Variants in PRKG1 observed in about 807,000 individuals in gnomAD.
PRKG1 encodes protein kinase cGMP-dependent 1, also known as cGMP-dependent protein kinase 1.
Under a neutral mutation model 88.1 loss-of-function variants are expected in PRKG1, and 35 were observed. The observed-to-expected ratio is 0.40, with a 90% CI of 0.30 to 0.53. The LOEUF (loss-of-function observed/expected upper bound fraction) is 0.53, where lower values mean the gene tolerates loss of function less well. Among genes scored for constraint, PRKG1 ranks in the 20% least tolerant of loss-of-function variants. The probability of loss-of-function intolerance (pLI) is 0.59; values close to 1 mark genes in which losing one functional copy is unlikely to be tolerated. For synonymous variants in PRKG1, 303 were observed against 292.5 expected (o/e 1.04, Z -0.37); for missense variants, 540 against 839.8 (o/e 0.64, Z 4.41).
chr10:51,392,983 A>C lies in PRKG1; in HGVS notation c.479-74740A>C, dbSNP rs293221. On this transcript the variant is annotated intron_variant, in intron 2 of 17. Transcript: ENST00000373980. Reference sequence around the variant, plus strand: ...CTGACCCCCCACCTCCCTCCCGGACAGGGTAGCTGCCGGGCAGAGACACTC... The same window carrying C: ...CTGACCCCCCACCTCCCTCCCGGACCGGGTAGCTGCCGGGCAGAGACACTC... Among the ~76,000 whole-genome samples the C allele has an allele frequency of 1.1e-4, 15 of 141,156 alleles. 1 individual carries two copies. Among genetic ancestry groups the C allele is most frequent in the African/African-American group, 3.9e-4 (14 of 36,210 alleles). 92.6% of individuals were successfully genotyped at this position (141,156 alleles called of 152,430 possible).
chr10:51,908,478 A>G (rs1842134024), intron 5 of PRKG1: 2 of 152,130 alleles, frequency 1.3e-5, no homozygotes, highest in East Asian at 3.9e-4. Context: ...CACTTAGGAC[A>G]TTGCAATTAA....
At chr10:51,845,554 T>C (rs1293890984) in intron 4 of PRKG1, among the ~76,000 whole-genome samples, 2 of 152,202 alleles carry the variant, frequency 1.3e-5, no homozygotes, top group East Asian at 1.9e-4. Context: ...TTGTAGAAAA[T>C]TGGTATGAAG....
chr10:51,797,891 A>G (rs1436814699), intron 3 of PRKG1, among the ~76,000 whole-genome samples: 1 of 151,994 alleles, frequency 6.6e-6, no homozygotes, highest in Non-Finnish European at 1.5e-5. Flanking sequence ...CAGTGGAATC[A>G]GACAATATTT....
At chr10:51,776,173 G>T (rs1430949949) in intron 3 of PRKG1, among the ~76,000 whole-genome samples, 1 of 152,100 alleles carries the variant, frequency 6.6e-6, no homozygotes, top group Admixed American at 6.6e-5. Context: ...TTCAAAAAAT[G>T]ATGTTATTTT....
chr10:50,998,707 C>G (rs1842858929), intron 1 of PRKG1, among the ~76,000 whole-genome samples: 1 of 151,994 alleles, frequency 6.6e-6, no homozygotes, highest in Admixed American at 6.6e-5. Flanking sequence ...AAGATCGTGC[C>G]CCTGCACTCC....
At chr10:51,372,776 A>G (rs1217996252) in intron 2 of PRKG1, among the ~76,000 whole-genome samples, 4 of 152,148 alleles carry the variant, frequency 2.6e-5, no homozygotes, top group Non-Finnish European at 4.4e-5. Flanking sequence ...TCCTGCATCT[A>G]TTGAGATAAT....
chr10:52,008,673 A>T (rs993477530), intron 5 of PRKG1, among the ~76,000 whole-genome samples: 2 of 152,134 alleles, frequency 1.3e-5, no homozygotes, highest in Non-Finnish European at 2.9e-5. Flanking sequence ...ATTCACAGCC[A>T]AATTCTACAA....
intron 2 of PRKG1, among the ~76,000 whole-genome samples, chr10:51,172,631 T>G (rs187419891): frequency 0.012 from 837 of 67,606 alleles, 2 homozygotes; most frequent in Non-Finnish European, 0.013. Context: ...TATGTATGTA[T>G]GTATGTATGT....
chr10:51,561,818 G>C (rs1837468914), intron 3 of PRKG1, among the ~76,000 whole-genome samples: 1 of 152,082 alleles, frequency 6.6e-6, no homozygotes, highest in African/African-American at 2.4e-5. Context: ...AGTCATCTTT[G>C]CATTACGTAA....
Position 52,062,493 on chromosome 10 carries a change from G to A in PRKG1, c.841-44G>A. On this transcript the variant is annotated intron_variant, in intron 6 of 17. Transcript: ENST00000373980. The stretch of plus-strand genomic sequence containing the variant: ...ATTAATTAGTGTTCCTTTGTCCATT[G>A]TGGGTAAGCAGTGGATCTAAACTTT... The A allele has an allele frequency of 4.0e-6, 5 of 1,263,448 alleles. No individual in the cohort carries two copies. In the South Asian group the frequency reaches 7.3e-5, roughly 19 times the overall value. 78.3% of individuals were successfully genotyped at this position (1,263,448 alleles called of 1,614,324 possible).
chr10:51,368,103 G>C (rs1357831861), intron 2 of PRKG1, among the ~76,000 whole-genome samples: 2 of 151,924 alleles, frequency 1.3e-5, no homozygotes, highest in East Asian at 1.9e-4. Context: ...CATAGAGCCA[G>C]AATATTTTCT....
At chr10:51,479,172 A>T (rs1189555229) in intron 3 of PRKG1, among the ~76,000 whole-genome samples, 1 of 152,082 alleles carries the variant, frequency 6.6e-6, no homozygotes, top group East Asian at 1.9e-4. Context: ...TGATAAAAAC[A>T]GCAGAATATT....
At chr10:51,604,348 G>T (rs1025585187) in intron 3 of PRKG1, among the ~76,000 whole-genome samples, 2 of 151,822 alleles carry the variant, frequency 1.3e-5, no homozygotes, top group Non-Finnish European at 2.9e-5. Flanking sequence ...CTCATTTTTT[G>T]AACCATTTAA....
At chr10:51,270,657 A>AG (rs1564663687) in intron 2 of PRKG1, among the ~76,000 whole-genome samples, 1 of 145,864 alleles carries the variant, frequency 6.9e-6, no homozygotes, top group Non-Finnish European at 1.5e-5. Context: ...CTTTTCTCTC[A>AG]GAAAAAAATC....
At chr10:51,099,384 G>GACACACAC (rs71459403) in intron 1 of PRKG1, among the ~76,000 whole-genome samples, 13,634 of 148,702 alleles carry the variant, frequency 0.092, 691 homozygotes, top group African/African-American at 0.11. Flanking sequence ...CAGCATTCAA[G>GACACACAC]ACACACACAC....
intron 1 of PRKG1, among the ~76,000 whole-genome samples, chr10:50,993,525 C>A (rs1040810407): frequency 2.6e-5 from 4 of 152,236 alleles, no homozygotes; most frequent in Non-Finnish European, 1.5e-5. Context: ...CCCTGCCCTG[C>A]GCTCAGCAGC....
intron 3 of PRKG1, among the ~76,000 whole-genome samples, chr10:51,594,719 A>T (rs1023098201): frequency 6.6e-6 from 1 of 152,196 alleles, no homozygotes; most frequent in Non-Finnish European, 1.5e-5. Context: ...AGTCATTTCT[A>T]TATCACAGTG....
rs140540368 is a variant in PRKG1, at chr10:52,241,114, C to T, written c.1077-10456C>T. Among the ~76,000 whole-genome samples the T allele has an allele frequency of 5.4e-4, 82 of 152,244 alleles. 1 individual carries two copies. The highest frequency in any genetic ancestry group is 1.8e-3 in the African/African-American group (76 of 41,548). On this transcript the variant is annotated intron_variant, in intron 9 of 17. Transcript: ENST00000373980. ...ATAGTTCTATTTCAAACATCCAAGA[C>T]GTATTTTCCCCAACTACTGTTTGGG...
intron 9 of PRKG1, among the ~76,000 whole-genome samples, chr10:52,194,319 T>TTTAG (rs1839450674): frequency 6.6e-6 from 1 of 152,172 alleles, no homozygotes; most frequent in African/African-American, 2.4e-5. Context: ...AAAACAACCC[T>TTTAG]GTCAACTTAG....
Sources: gnomAD v4.1 joint callset for allele counts (sites outside exome capture counted in the v4.1 genomes callset) on GRCh38, gnomAD v4.1.1 for gene constraint, MANE v1.5 for transcripts, NCBI Gene and HGNC (gene_info 2026-07-23, HGNC 2026-07-21) for gene names.